IGF2BP3: variants seen among roughly 807,000 people sequenced by gnomAD.
IGF2BP3 encodes the protein insulin-like growth factor 2 mRNA-binding protein 3.
A neutral mutation model predicts 73.8 loss-of-function variants in IGF2BP3; 9 were observed. That is an observed-to-expected ratio of 0.12 (90% CI 0.07 to 0.21). IGF2BP3 has a LOEUF of 0.21. Among genes scored for constraint, IGF2BP3 ranks in the 10% least tolerant of loss-of-function variants. The probability of loss-of-function intolerance (pLI) is 1.00; values close to 1 mark genes in which losing one functional copy is unlikely to be tolerated. For synonymous variants in IGF2BP3, 258 were observed against 256.7 expected (o/e 1.01, Z -0.05); for missense variants, 542 against 714.0 (o/e 0.76, Z 2.75).
At chr7:23,342,238 G>C in intron 9 of IGF2BP3, 49 bp from the exon 10 acceptor site, 1 of 1,602,778 alleles carries the variant, frequency 6.2e-7, no homozygotes, top group Non-Finnish European at 8.5e-7. Flanking sequence ...AGAATCAAGG[G>C]AAAGTGAGCA....
chr7:23,441,113 T>C (rs1787922211), intron 2 of IGF2BP3, among the ~76,000 whole-genome samples: 1 of 152,152 alleles, frequency 6.6e-6, no homozygotes, highest in African/African-American at 2.4e-5. Context: ...AGAGCCTATA[T>C]ATTCAGAGTC....
chr7:23,425,176 C>A (rs1006180905), intron 2 of IGF2BP3, among the ~76,000 whole-genome samples: 2 of 152,182 alleles, frequency 1.3e-5, no homozygotes, highest in African/African-American at 4.8e-5. Context: ...AAGATGCCAA[C>A]AAGATATACA....
intron 3 of IGF2BP3, among the ~76,000 whole-genome samples, chr7:23,412,683 T>G (rs979367669): frequency 6.6e-6 from 1 of 152,068 alleles, no homozygotes; most frequent in African/African-American, 2.4e-5. Flanking sequence ...CCTAATGTCT[T>G]CCTTTACATA....
At chr7:23,400,438 G>C (rs75693095) in intron 3 of IGF2BP3, among the ~76,000 whole-genome samples, 2,265 of 152,264 alleles carry the variant, frequency 0.015, 37 homozygotes, top group Middle Eastern at 0.041. Flanking sequence ...AATGCTATCA[G>C]AGGTTCTTCA....
chr7:23,371,088 A>G (rs1270455278), intron 3 of IGF2BP3, among the ~76,000 whole-genome samples: 1 of 152,190 alleles, frequency 6.6e-6, no homozygotes, highest in Non-Finnish European at 1.5e-5. Context: ...TCACAGTGAG[A>G]TTAAAGTATT....
chr7:23,438,274 T>C (rs1190409056), intron 2 of IGF2BP3, among the ~76,000 whole-genome samples: 2 of 152,128 alleles, frequency 1.3e-5, no homozygotes, highest in East Asian at 1.9e-4. Context: ...CCACCATGCC[T>C]GGCTAATTTT....
chr7:23,315,549 T>A (rs1783962945), intron 12 of IGF2BP3, among the ~76,000 whole-genome samples: 1 of 152,078 alleles, frequency 6.6e-6, no homozygotes, highest in Admixed American at 6.6e-5. Flanking sequence ...GCTGCCAGGG[T>A]AAACCACAAA....
chr7:23,465,299 T>G (rs191813657), intron 2 of IGF2BP3, among the ~76,000 whole-genome samples: 1 of 152,222 alleles, frequency 6.6e-6, no homozygotes, highest in East Asian at 1.9e-4. Context: ...TCTTTTATAT[T>G]TAGAATAGAG....
rs147421633 is a variant in IGF2BP3, at chr7:23,438,688, G to A, written c.237-19864C>T. 1.7e-3 allele frequency among the ~76,000 whole-genome samples: 255 copies of A among 152,256 alleles called. 5 individuals carry two copies. The East Asian group carries it at 0.046, about 27-fold the overall frequency. Reference sequence around the variant, plus strand: ...CCCACACGCTTATAATGGTTGTTAGGCTGATAAAATAATCTTTAAAAATTT... The same window carrying A: ...CCCACACGCTTATAATGGTTGTTAGACTGATAAAATAATCTTTAAAAATTT... On this transcript the variant is annotated intron_variant, in intron 2 of 14. Coordinates refer to ENST00000258729, the MANE Select transcript of IGF2BP3 (RefSeq NM_006547.3).
intron 10 of IGF2BP3, among the ~76,000 whole-genome samples, chr7:23,339,110 T>C (rs1047285952): frequency 6.6e-6 from 1 of 152,292 alleles, no homozygotes; most frequent in Non-Finnish European, 1.5e-5. Context: ...TTTTTACTGT[T>C]GGCAGCTTCT....
At chr7:23,463,252 G>A (rs1382830238) in intron 2 of IGF2BP3, among the ~76,000 whole-genome samples, 1 of 152,176 alleles carries the variant, frequency 6.6e-6, no homozygotes, top group Non-Finnish European at 1.5e-5. Context: ...AATTATAATG[G>A]AGTCACTTCA....
chr7:23,372,268 T>C (rs1427422903), intron 3 of IGF2BP3, among the ~76,000 whole-genome samples: 1 of 152,100 alleles, frequency 6.6e-6, no homozygotes, highest in Non-Finnish European at 1.5e-5. Flanking sequence ...AGAGATGGGG[T>C]TTCACTATGT....
intron 2 of IGF2BP3, among the ~76,000 whole-genome samples, chr7:23,426,843 A>T (rs1787525070): frequency 6.6e-6 from 1 of 152,172 alleles, no homozygotes; most frequent in South Asian, 2.1e-4. Context: ...TATTTCATTC[A>T]AGGTTGAAAA....
chr7:23,438,556 T>C (rs1040574391), intron 2 of IGF2BP3, among the ~76,000 whole-genome samples: 1 of 152,128 alleles, frequency 6.6e-6, no homozygotes, highest in Non-Finnish European at 1.5e-5. Context: ...CCAATGCATA[T>C]GATGTTTCAA....
At chr7:23,429,306 C>T (rs1023926332) in intron 2 of IGF2BP3, among the ~76,000 whole-genome samples, 24 of 151,970 alleles carry the variant, frequency 1.6e-4, no homozygotes, top group African/African-American at 5.8e-4. Context: ...AAATAAGAAC[C>T]CAAAAAAGTG....
chr7:23,384,513 A>C (rs899965764), intron 3 of IGF2BP3, among the ~76,000 whole-genome samples: 1 of 152,212 alleles, frequency 6.6e-6, no homozygotes, highest in African/African-American at 2.4e-5. Flanking sequence ...GAAACAATTT[A>C]TACAACCCCA....
intron 2 of IGF2BP3, among the ~76,000 whole-genome samples, chr7:23,453,488 G>C (rs1365664476): frequency 6.6e-6 from 1 of 152,158 alleles, no homozygotes; most frequent in African/African-American, 2.4e-5. Flanking sequence ...CCACCTACTA[G>C]AGACCCTTTT....
intron 10 of IGF2BP3, among the ~76,000 whole-genome samples, chr7:23,326,103 AG>A (rs1784287957): frequency 1.3e-5 from 2 of 152,188 alleles, no homozygotes; most frequent in Admixed American, 6.5e-5. Flanking sequence ...GCACAGCAAA[AG>A]AAACTACCAT....
At chr7:23,372,045 A>C (rs1313116343) in intron 3 of IGF2BP3, among the ~76,000 whole-genome samples, 6 of 151,924 alleles carry the variant, frequency 3.9e-5, no homozygotes, top group Non-Finnish European at 7.4e-5. Context: ...TTTTTGGAGA[A>C]TAGGTGGTAT....
Sources: allele counts gnomAD v4.1 joint callset (sites outside exome capture counted in the v4.1 genomes callset), GRCh38; gene constraint gnomAD v4.1.1; transcripts MANE v1.5; gene names NCBI Gene and HGNC (gene_info 2026-07-23, HGNC 2026-07-21).